Variants in GCFC2 observed in about 807,000 individuals in gnomAD.
The protein encoded by GCFC2 is GC-rich sequence DNA-binding factor 2.
GCFC2 carries 102 observed loss-of-function variants against 99.4 expected under a neutral mutation model. The ratio of observed to expected loss-of-function variants is 1.03; its 90% CI spans 0.87 to 1.21. GCFC2 has a LOEUF of 1.21. Ranked by LOEUF, GCFC2 falls within the 50% of genes most tolerant of loss-of-function variation. The pLI, the probability that GCFC2 is intolerant of heterozygous loss-of-function variation, is 0.00. For missense variants in GCFC2, 973 were observed against 920.9 expected (o/e 1.06, Z -0.73); for synonymous variants, 338 against 316.8 (o/e 1.07, Z -0.71).
intron 4 of GCFC2, among the ~76,000 whole-genome samples, chr2:75,699,980 A>G (rs1367547866): frequency 1.3e-5 from 2 of 148,804 alleles, no homozygotes; most frequent in Admixed American, 6.7e-5. Context: ...GGCTCACTGC[A>G]GCCTTGACCT....
intron 3 of GCFC2, chr2:75,701,751 A>G (rs1436949026): frequency 2.1e-6 from 1 of 485,596 alleles, no homozygotes; most frequent in East Asian, 1.4e-4. Context: ...TCAAATGCAT[A>G]TATCATAAAT....
intron 2 of GCFC2, among the ~76,000 whole-genome samples, chr2:75,704,141 T>C (rs1389478410): frequency 1.3e-5 from 2 of 152,244 alleles, no homozygotes; most frequent in East Asian, 1.9e-4. Flanking sequence ...AATGTCAGCA[T>C]ATTGTTCAAT....
intron 4 of GCFC2, chr2:75,697,974 C>G (rs1476630261): frequency 6.6e-6 from 1 of 152,106 alleles, no homozygotes; most frequent in Non-Finnish European, 1.5e-5. Flanking sequence ...GACCTCAGAG[C>G]GAATAAACTT....
At chr2:75,695,369 T>G (rs1680261171) in intron 5 of GCFC2, among the ~76,000 whole-genome samples, 1 of 152,146 alleles carries the variant, frequency 6.6e-6, no homozygotes, top group Non-Finnish European at 1.5e-5. Context: ...GATCAAAATG[T>G]CCAACAGAGA....
chr2:75,690,340 C>T, intron 8 of GCFC2: 1 of 507,880 alleles, frequency 2.0e-6, no homozygotes, highest in East Asian at 3.5e-5. Flanking sequence ...TAGGACATTC[C>T]CATGGGCTAA....
intron 11 of GCFC2, among the ~76,000 whole-genome samples, chr2:75,686,935 C>CA (rs1397550050): frequency 8.5e-6 from 1 of 117,976 alleles, no homozygotes. Flanking sequence ...TGAAATGAAG[C>CA]AATTTTTTTT....
At chr2:75,674,210 T>C (rs1295907891) in intron 12 of GCFC2, among the ~76,000 whole-genome samples, 1 of 152,248 alleles carries the variant, frequency 6.6e-6, no homozygotes, top group African/African-American at 2.4e-5. Context: ...TATTAGGTTC[T>C]GTCTTTTTAT....
chr2:75,702,470 A>T (rs1680649541), intron 2 of GCFC2, 47 bp from the exon 3 acceptor site: 1 of 1,462,116 alleles, frequency 6.8e-7, no homozygotes, highest in Non-Finnish European at 9.4e-7. Flanking sequence ...GACCAATGTA[A>T]GTAAATATTC....
At chr2:75,709,805 T>C (rs535252297) in intron 1 of GCFC2, among the ~76,000 whole-genome samples, 24 of 152,354 alleles carry the variant, frequency 1.6e-4, no homozygotes, top group Non-Finnish European at 2.4e-4. Context: ...TATAAGTATA[T>C]ACATTTTTTA....
intron 1 of GCFC2, among the ~76,000 whole-genome samples, chr2:75,707,679 A>G (rs79131686): frequency 0.013 from 2,009 of 152,310 alleles, 45 homozygotes; most frequent in African/African-American, 0.046. Flanking sequence ...TGGTTTATCA[A>G]TCCCTGGAGG....
In GCFC2 at chr2:75,701,874, T is replaced by C. The variant is rs567902906; in HGVS notation, c.619+325A>G. ...TCTAAAATCTCTATAGATGCTTCCA[T>C]GTTAAAAAAAATATATTTATACAGG... On this transcript the variant is annotated intron_variant, in intron 3 of 16. Coordinates refer to ENST00000321027, the MANE Select transcript of GCFC2 (RefSeq NM_003203.5). The C allele has an allele frequency of 2.6e-5, 27 of 1,028,102 alleles. No individual in the cohort carries two copies. In the East Asian group the frequency reaches 3.1e-4, roughly 12 times the overall value. The allele number at this position is 1,028,102 out of a possible 1,614,324, so 63.7% of individuals were successfully genotyped here. A position where few individuals can be genotyped will look rare whatever the true frequency, so the allele number is the denominator to read the frequency against.
chr2:75,693,100 AAAC>A (rs1188349215), intron 6 of GCFC2, among the ~76,000 whole-genome samples: 8 of 152,228 alleles, frequency 5.3e-5, no homozygotes, highest in African/African-American at 1.4e-4. Context: ...AGCCAACTTA[AAAC>A]AACAATTGGG....
chr2:75,672,936 C>T (rs1432695206), intron 13 of GCFC2, among the ~76,000 whole-genome samples: 2 of 152,212 alleles, frequency 1.3e-5, no homozygotes, highest in African/African-American at 4.8e-5. Flanking sequence ...AGATAAAGCA[C>T]GGCTTTATGT....
intron 16 of GCFC2, among the ~76,000 whole-genome samples, 175 bp from the exon 17 acceptor site, chr2:75,664,958 A>G (rs571488025): frequency 4.7e-4 from 72 of 152,318 alleles, no homozygotes; most frequent in Middle Eastern, 6.8e-3. Context: ...TATAAAGTTC[A>G]AATACAGATC....
In GCFC2 at chr2:75,664,547, T is replaced by G; in HGVS notation, c.*119A>C. On this transcript the variant is annotated 3_prime_UTR_variant, in exon 17 of 17. Coordinates refer to ENST00000321027, the MANE Select transcript of GCFC2 (RefSeq NM_003203.5). ...GGAATACAGAGGTGGAGTCCTGCTT[T>G]TTTTCAAATCCTACCTTCTATTACA... 1.8e-6 allele frequency: 1 copy of G among 566,906 alleles called. No homozygotes were observed. 35.1% of individuals were successfully genotyped at this position (566,906 alleles called of 1,614,324 possible). A position where few individuals can be genotyped will look rare whatever the true frequency, so the allele number is the denominator to read the frequency against.
At chr2:75,712,576 C>A (rs754921436), upstream of GCFC2, among the ~76,000 whole-genome samples, 1 of 152,156 alleles carries the variant, frequency 6.6e-6, no homozygotes, top group African/African-American at 2.4e-5. Flanking sequence ...CAACCCGCTC[C>A]GGTCCCCTTC....
intron 15 of GCFC2, among the ~76,000 whole-genome samples, chr2:75,668,067 T>A (rs1223850194): frequency 6.6e-6 from 1 of 152,172 alleles, no homozygotes; most frequent in Non-Finnish European, 1.5e-5. Context: ...GAGAAACTGG[T>A]GCCTGAGTAC....
At chr2:75,666,420 T>C (rs1310623481) in intron 15 of GCFC2, among the ~76,000 whole-genome samples, 3 of 152,166 alleles carry the variant, frequency 2.0e-5, no homozygotes, top group Non-Finnish European at 2.9e-5. Context: ...ATACATTCAC[T>C]ATTATTTTAT....
intron 12 of GCFC2, among the ~76,000 whole-genome samples, chr2:75,676,000 T>C (rs992777954): frequency 6.6e-6 from 1 of 152,132 alleles, no homozygotes; most frequent in Non-Finnish European, 1.5e-5. Flanking sequence ...CTGTTCTCTA[T>C]ATCCATGGAG....
Sources: allele counts gnomAD v4.1 joint callset (sites outside exome capture counted in the v4.1 genomes callset), GRCh38; gene constraint gnomAD v4.1.1; transcripts MANE v1.5; gene names NCBI Gene and HGNC (gene_info 2026-07-23, HGNC 2026-07-21).